Variants in SOCS7 observed in about 807,000 individuals in gnomAD.
The protein encoded by SOCS7 is suppressor of cytokine signaling 7, also known as NAP-4.
SOCS7 carries 18 observed loss-of-function variants against 58.9 expected under a neutral mutation model. The observed-to-expected ratio is 0.31, with a 90% CI of 0.21 to 0.45. The LOEUF (loss-of-function observed/expected upper bound fraction) is 0.45. Ranked by LOEUF, SOCS7 falls within the 20% of genes least tolerant of loss-of-function variation. The pLI, the probability that SOCS7 is intolerant of heterozygous loss-of-function variation, is 1.00. For synonymous variants in SOCS7, 388 were observed against 364.3 expected, an observed-to-expected ratio of 1.06 and a Z score of -0.74; for missense variants, 667 against 837.3, an observed-to-expected ratio of 0.80 and a Z score of 2.51.
intron 7 of SOCS7, among the ~76,000 whole-genome samples, chr17:38,393,879 G>A (rs938253101): frequency 6.6e-6 from 1 of 152,052 alleles, no homozygotes; most frequent in African/African-American, 2.4e-5. Flanking sequence ...CAGCCTGGGC[G>A]ACAGAGCAAG....
chr17:38,392,741 C>G (rs2144398763), intron 7 of SOCS7, among the ~76,000 whole-genome samples: 1 of 152,328 alleles, frequency 6.6e-6, no homozygotes, highest in South Asian at 2.1e-4. Flanking sequence ...AGTGCTGTGA[C>G]TGTCCTGGAC....
rs1413124410 is a variant in SOCS7 at position 38,403,872 on chromosome 17, A to G, written c.*4390A>G. On this transcript the variant is annotated 3_prime_UTR_variant, in exon 10 of 10. Transcript: ENST00000612932. The stretch of plus-strand genomic sequence containing the variant: ...GCTGTTCTTCCACTGAATTTGTGCT[A>G]TTGCATACATGTAGCCATCTTTCTT... 1.3e-5 allele frequency: 2 copies of G among 152,042 alleles called. No homozygotes were observed. The highest frequency in any genetic ancestry group is 4.8e-5 in the African/African-American group (2 of 41,374). 9.4% of individuals were successfully genotyped at this position (152,042 alleles called of 1,614,324 possible). A position where few individuals can be genotyped will look rare whatever the true frequency, so the allele number is the denominator to read the frequency against.
At chr17:38,393,895 G>A (rs779401432) in intron 7 of SOCS7, among the ~76,000 whole-genome samples, 1 of 152,066 alleles carries the variant, frequency 6.6e-6, no homozygotes, top group Non-Finnish European at 1.5e-5. Flanking sequence ...GCAAGACTCC[G>A]CCTCAAAAAA....
chr17:38,361,799 T>C, intron 2 of SOCS7, 24 bp downstream of exon 2: 1 of 1,560,916 alleles, frequency 6.4e-7, no homozygotes, highest in Non-Finnish European at 8.7e-7. Flanking sequence ...CTTTCTCTCT[T>C]CTGACATCTG....
intron 6 of SOCS7, among the ~76,000 whole-genome samples, chr17:38,370,892 G>T (rs956115946): frequency 6.6e-6 from 1 of 150,882 alleles, no homozygotes; most frequent in Non-Finnish European, 1.5e-5. Context: ...CTTGTGATCC[G>T]CCTGCCTCGG....
chr17:38,352,307 G>A lies in SOCS7; in HGVS notation c.255G>A (p.Pro85=). ...EEEDVEAAPE[P]GPSELLCPRH... ...AGGACGTGGAGGCGGCCCCGGAGCCGGGACCCTCGGAACTGCTGTGTCCCC... is the reference window on the plus strand; with the variant it reads ...AGGACGTGGAGGCGGCCCCGGAGCCAGGACCCTCGGAACTGCTGTGTCCCC... Residue 85 remains proline, a synonymous_variant, in exon 1 of 10, where the codon CCG becomes CCA. Transcript: ENST00000612932. The surrounding 1 kb of genome is among the most constrained non-coding windows in gnomAD (Gnocchi z 5.5). The A allele has an allele frequency of 1.3e-6, 2 of 1,485,344 alleles. No individual in the cohort carries two copies. The highest frequency in any genetic ancestry group is 2.3e-5 in the Admixed American group (1 of 42,612). 92.0% of individuals were successfully genotyped at this position (1,485,344 alleles called of 1,614,324 possible).
chr17:38,387,102 A>AAAAAATAT (rs1244894607), intron 7 of SOCS7, among the ~76,000 whole-genome samples: 1 of 51,140 alleles, frequency 2.0e-5, no homozygotes, highest in Non-Finnish European at 3.0e-5. Flanking sequence ...AAAAAAAAAA[A>AAAAAATAT]ATATATATAT....
intron 7 of SOCS7, among the ~76,000 whole-genome samples, chr17:38,390,714 T>G (rs2038162221): frequency 6.6e-6 from 1 of 150,422 alleles, no homozygotes; most frequent in Non-Finnish European, 1.5e-5. Flanking sequence ...TCTGTCTTTT[T>G]TTTTTTTTTT....
rs2038230822 is a variant in SOCS7 at position 38,395,289 on chromosome 17, C to T, written c.1682-20C>T. The T allele has an allele frequency of 1.2e-6, 2 of 1,612,542 alleles. No homozygotes were observed. The highest frequency in any genetic ancestry group is 2.2e-5 in the South Asian group (2 of 90,954). ...TCCATTGTTTCCTCTGAATACTTTCCTTTGTTTTCTTTCTTGAAGGACTGC... is the reference window on the plus strand; with the variant it reads ...TCCATTGTTTCCTCTGAATACTTTCTTTTGTTTTCTTTCTTGAAGGACTGC... On this transcript the variant is annotated intron_variant, in intron 7 of 9. Coordinates refer to ENST00000612932, the MANE Select transcript of SOCS7 (RefSeq NM_014598.4).
intron 1 of SOCS7, among the ~76,000 whole-genome samples, chr17:38,361,065 C>T (rs1225216660): frequency 6.6e-6 from 1 of 152,214 alleles, no homozygotes; most frequent in Non-Finnish European, 1.5e-5. Context: ...ATCAAGAAGT[C>T]ATGGGGAGGG....
intron 7 of SOCS7, among the ~76,000 whole-genome samples, chr17:38,393,767 G>T (rs1716678708): frequency 6.6e-6 from 1 of 151,990 alleles, no homozygotes. Context: ...CGGCGTGGTG[G>T]TGGGTGCCTG....
chr17:38,353,105 C>T lies in SOCS7; in HGVS notation c.980+73C>T, dbSNP rs187068795. The T allele has an allele frequency of 3.5e-3, 4,749 of 1,357,516 alleles. 92 individuals carry two copies. In the South Asian group the frequency reaches 0.042, roughly 12 times the overall value. The allele number at this position is 1,357,516 out of a possible 1,614,324, so 84.1% of individuals were successfully genotyped here. The stretch of plus-strand genomic sequence containing the variant: ...TTTCCCTTTTTATCTATTGCTATCG[C>T]GATCCTGACAGTTCTTAAGATAGGG... On this transcript the variant is annotated intron_variant, in intron 1 of 9. Transcript: ENST00000612932.
intron 7 of SOCS7, among the ~76,000 whole-genome samples, chr17:38,387,113 A>ATATATATGTGTGTGTG (rs2038081796): frequency 2.9e-5 from 3 of 103,482 alleles, no homozygotes; most frequent in East Asian, 2.5e-4. Context: ...ATATATATAT[A>ATATATATGTGTGTGTG]TATATATATA....
At chr17:38,358,231 C>G (rs760371016) in intron 1 of SOCS7, among the ~76,000 whole-genome samples, 27 of 152,012 alleles carry the variant, frequency 1.8e-4, no homozygotes, top group Non-Finnish European at 2.6e-4. Context: ...AACTTTGCAC[C>G]CTAATGCTTT....
chr17:38,398,554 G>A (rs1474643625), intron 9 of SOCS7, among the ~76,000 whole-genome samples: 2 of 152,166 alleles, frequency 1.3e-5, no homozygotes, highest in African/African-American at 2.4e-5. Context: ...ATTGGGAAAG[G>A]TCTTTAGGGT....
rs2038081756 is a variant in SOCS7, at chr17:38,387,113, A to ATATATGTGTGTG, written c.1682-8191_1682-8190insGTGTGTGTATAT. 2.9e-5 allele frequency among the ~76,000 whole-genome samples: 3 copies of ATATATGTGTGTG among 103,484 alleles called. No individual in the cohort carries two copies. The East Asian group carries it at 7.4e-4, about 26-fold the overall frequency. The allele number at this position is 103,484 out of a possible 152,430, so 67.9% of individuals were successfully genotyped here. A position where few individuals can be genotyped will look rare whatever the true frequency, so the allele number is the denominator to read the frequency against. Reference sequence around the variant, plus strand: ...AAAAAAAAAAAAAAAATATATATATATATATATATATATATGTATGTATAT... The same window carrying ATATATGTGTGTG: ...AAAAAAAAAAAAAAAATATATATATATATATGTGTGTGTATATATATATATATGTATGTATAT... On this transcript the variant is annotated intron_variant, in intron 7 of 9. Coordinates refer to ENST00000612932, the MANE Select transcript of SOCS7 (RefSeq NM_014598.4).
chr17:38,367,051 T>TTTG (rs145041768), intron 5 of SOCS7, among the ~76,000 whole-genome samples: 1 of 152,086 alleles, frequency 6.6e-6, no homozygotes, highest in Non-Finnish European at 1.5e-5. Context: ...TTCTTTGTTT[T>TTTG]TTGTTGTTGT....
At chr17:38,383,086 T>C (rs2038023991) in intron 7 of SOCS7, among the ~76,000 whole-genome samples, 1 of 152,124 alleles carries the variant, frequency 6.6e-6, no homozygotes, top group Non-Finnish European at 1.5e-5. Flanking sequence ...AACATTGTTA[T>C]ATACCATAGG....
At chr17:38,371,754 GTTTTTTTTTTTT>G (rs770296566) in intron 6 of SOCS7, among the ~76,000 whole-genome samples, 1 of 72,196 alleles carries the variant, frequency 1.4e-5, no homozygotes, top group African/African-American at 5.5e-5. Context: ...GCCCTTTTGT[GTTTTTTTTTTTT>G]TTTTTTTTTT....
Sources: allele counts gnomAD v4.1 joint callset (sites outside exome capture counted in the v4.1 genomes callset), GRCh38; gene constraint gnomAD v4.1.1; non-coding constraint Gnocchi (gnomAD v3.1); transcripts MANE v1.5; gene names NCBI Gene and HGNC (gene_info 2026-07-23, HGNC 2026-07-21).